RFX3: variants seen among roughly 807,000 people sequenced by gnomAD.
The protein encoded by RFX3 is transcription factor RFX3.
A neutral mutation model predicts 98.6 loss-of-function variants in RFX3; 14 were observed. That is an observed-to-expected ratio of 0.14 (90% CI 0.09 to 0.22). The LOEUF is 0.22. Among genes scored for constraint, RFX3 ranks in the 10% least tolerant of loss-of-function variants. RFX3 has a pLI of 1.00. For missense variants in RFX3, 639 were observed against 926.9 expected (o/e 0.69, Z 4.03); for synonymous variants, 383 against 328.4 (o/e 1.17, Z -1.80).
chr9:3,247,973 T>A (rs1249477836), intron 15 of RFX3, 59 bp downstream of exon 15: 1 of 1,613,936 alleles, frequency 6.2e-7, no homozygotes. Flanking sequence ...TAGACTGAAG[T>A]GTAATTCTGG....
In RFX3 at chr9:3,346,698, C is replaced by T; in HGVS notation, c.184G>A (p.Gly62Arg). 6.2e-7 allele frequency: 1 copy of T among 1,612,848 alleles called. No individual in the cohort carries two copies. The highest frequency in any genetic ancestry group is 2.2e-5 in the East Asian group (1 of 44,858). Residue 62 changes from glycine to arginine, a missense_variant, in exon 3 of 17, where the codon GGA becomes AGA. Physicochemically the swap from Gly to Arg is moderately radical, Grantham distance 125. Transcript: ENST00000617270. ...CCATTGGTATAGACAGTATCGCTTC[C>T]TTCCACATACTGCACCTGAGCGGGA... ...VYPAQVQYVE[G>R]SDTVYTNGAI...
intron 11 of RFX3, among the ~76,000 whole-genome samples, chr9:3,269,716 T>A (rs1824123110): frequency 6.6e-6 from 1 of 152,198 alleles, no homozygotes; most frequent in South Asian, 2.1e-4. Context: ...GGGATTACAA[T>A]GCTTGTGTAG....
At chr9:3,429,788 T>C (rs553314226) in intron 1 of RFX3, among the ~76,000 whole-genome samples, 9 of 152,328 alleles carry the variant, frequency 5.9e-5, no homozygotes, top group Non-Finnish European at 1.3e-4. Context: ...GCGGCTGCTA[T>C]ACATCTGCTT....
chr9:3,249,625 T>A (rs1009740933), intron 14 of RFX3, among the ~76,000 whole-genome samples: 14 of 152,234 alleles, frequency 9.2e-5, no homozygotes, highest in African/African-American at 3.4e-4. Flanking sequence ...TATATGATGA[T>A]GGCAGAGGAC....
chr9:3,349,670 G>A (rs764097837), intron 2 of RFX3, among the ~76,000 whole-genome samples: 12 of 151,692 alleles, frequency 7.9e-5, no homozygotes, highest in South Asian at 2.1e-4. Flanking sequence ...TTAGACAAAC[G>A]TGCAAATGTA....
chr9:3,350,939 G>T (rs1316309489), intron 2 of RFX3, among the ~76,000 whole-genome samples: 1 of 152,078 alleles, frequency 6.6e-6, no homozygotes, highest in Non-Finnish European at 1.5e-5. Context: ...GCCACTGGGG[G>T]AAAGGAGAGA....
intron 2 of RFX3, among the ~76,000 whole-genome samples, chr9:3,369,355 C>G (rs140127315): frequency 6.6e-6 from 1 of 152,152 alleles, no homozygotes; most frequent in African/African-American, 2.4e-5. Context: ...TGTAAGTACA[C>G]TAATCCTATT....
At chr9:3,406,711 A>G (rs1302311719) in intron 1 of RFX3, among the ~76,000 whole-genome samples, 1 of 152,176 alleles carries the variant, frequency 6.6e-6, no homozygotes, top group East Asian at 1.9e-4. Flanking sequence ...CAATTTTTTA[A>G]AATTCTACAT....
intron 1 of RFX3, among the ~76,000 whole-genome samples, chr9:3,493,881 A>G (rs994972539): frequency 6.6e-6 from 1 of 151,670 alleles, no homozygotes; most frequent in Admixed American, 6.6e-5. Context: ...ATGCCATTGT[A>G]TGCTTAACCT....
chr9:3,323,109 C>T (rs1184770047), intron 4 of RFX3, among the ~76,000 whole-genome samples: 1 of 152,156 alleles, frequency 6.6e-6, no homozygotes, highest in African/African-American at 2.4e-5. Context: ...TTAAAGGAAA[C>T]CAGATAATTC....
chr9:3,419,533 G>C (rs756921462), intron 1 of RFX3, among the ~76,000 whole-genome samples: 6 of 152,106 alleles, frequency 3.9e-5, no homozygotes, highest in Non-Finnish European at 7.4e-5. Context: ...AATCAATATG[G>C]TAATAAAATA....
At chr9:3,333,548 G>A (rs1832835438) in intron 3 of RFX3, among the ~76,000 whole-genome samples, 1 of 139,008 alleles carries the variant, frequency 7.2e-6, no homozygotes, top group African/African-American at 2.7e-5. Context: ...TTATTTATAT[G>A]TTTATTTAAT....
rs147537016 is a variant in RFX3 at position 3,524,051 on chromosome 9, G to C, written c.-9+1696C>G. On this transcript the variant is annotated intron_variant, in intron 1 of 16. Transcript: ENST00000617270. Reference sequence around the variant, plus strand: ...ACTGTCACATTATTCACAAGCTGCTGTGTCAGTTAAATCAATATATGTTTG... The same window carrying C: ...ACTGTCACATTATTCACAAGCTGCTCTGTCAGTTAAATCAATATATGTTTG... Among the ~76,000 whole-genome samples the C allele has an allele frequency of 5.2e-3, 792 of 152,060 alleles. 9 individuals are homozygous for C. The highest frequency in any genetic ancestry group is 7.3e-3 in the Admixed American group (112 of 15,288).
intron 1 of RFX3, among the ~76,000 whole-genome samples, chr9:3,421,980 T>C (rs972810694): frequency 2.0e-5 from 3 of 149,068 alleles, no homozygotes; most frequent in African/African-American, 7.7e-5. Context: ...GGGATCATGA[T>C]AGTGTTGTAA....
chr9:3,432,398 G>A (rs893816807), intron 1 of RFX3, among the ~76,000 whole-genome samples: 3 of 152,134 alleles, frequency 2.0e-5, no homozygotes, highest in East Asian at 1.9e-4. Flanking sequence ...TAGAGAGAAC[G>A]TCATGAAAGT....
At chr9:3,469,328 G>A in intron 1 of RFX3, 1 of 257,616 alleles carries the variant, frequency 3.9e-6, no homozygotes, top group Non-Finnish European at 7.9e-6. Flanking sequence ...TTCTAGTCTA[G>A]TACCATTAGA....
At chr9:3,395,899 A>T (rs1587497290) in intron 1 of RFX3, among the ~76,000 whole-genome samples, 2 of 152,312 alleles carry the variant, frequency 1.3e-5, no homozygotes, top group South Asian at 4.1e-4. Context: ...ATCCCTTTAT[A>T]AACTATCATC....
intron 1 of RFX3, among the ~76,000 whole-genome samples, chr9:3,494,356 G>T (rs1462116298): frequency 6.6e-6 from 1 of 152,130 alleles, no homozygotes; most frequent in East Asian, 1.9e-4. Flanking sequence ...TTGTTGGGAT[G>T]TGTTATATCC....
intron 7 of RFX3, among the ~76,000 whole-genome samples, chr9:3,278,888 A>C (rs990887104): frequency 2.6e-5 from 4 of 151,982 alleles, no homozygotes; most frequent in Middle Eastern, 6.8e-3. Flanking sequence ...AATTTTAGTG[A>C]TGACTCCTCA....
Sources: allele counts gnomAD v4.1 joint callset (sites outside exome capture counted in the v4.1 genomes callset), GRCh38; gene constraint gnomAD v4.1.1; transcripts MANE v1.5; gene names NCBI Gene and HGNC (gene_info 2026-07-23, HGNC 2026-07-21).